Variants in AGXT2 observed in about 807,000 individuals in gnomAD.
AGXT2 encodes alanine--glyoxylate aminotransferase 2.
A neutral mutation model predicts 62.5 loss-of-function variants in AGXT2; 61 were observed. The observed-to-expected ratio is 0.98, with a 90% CI of 0.79 to 1.21. The LOEUF (loss-of-function observed/expected upper bound fraction) is 1.21. Among genes scored for constraint, AGXT2 ranks in the 50% most tolerant of loss-of-function variants. The pLI, the probability that AGXT2 is intolerant of heterozygous loss-of-function variation, is 0.00. For missense variants in AGXT2, 666 were observed against 641.5 expected, an observed-to-expected ratio of 1.04 and a Z score of -0.41; for synonymous variants, 243 against 218.7, an observed-to-expected ratio of 1.11 and a Z score of -0.98.
intron 7 of AGXT2, 64 bp from the exon 8 acceptor site, chr5:35,026,574 A>T: frequency 7.2e-7 from 1 of 1,384,966 alleles, no homozygotes; most frequent in Non-Finnish European, 1.0e-6. Context: ...CCTGATATTT[A>T]GAAACATGGG....
At chr5:35,038,358 A>C (rs1767856135) in intron 3 of AGXT2, among the ~76,000 whole-genome samples, 2 of 152,248 alleles carry the variant, frequency 1.3e-5, no homozygotes, top group African/African-American at 4.8e-5. Context: ...TACTGGGAAG[A>C]TTCAGTGAGA....
At chr5:35,029,657 G>A (rs1351794833) in intron 7 of AGXT2, among the ~76,000 whole-genome samples, 1 of 152,184 alleles carries the variant, frequency 6.6e-6, no homozygotes, top group Non-Finnish European at 1.5e-5. Flanking sequence ...GCTGAGTGAG[G>A]AGCCAAGAAA....
At chr5:35,011,407 C>G (rs1366699854) in intron 11 of AGXT2, among the ~76,000 whole-genome samples, 1 of 149,412 alleles carries the variant, frequency 6.7e-6, no homozygotes, top group Non-Finnish European at 1.5e-5. Flanking sequence ...TTGCAGTGAG[C>G]CAAAGTTGTG....
intron 11 of AGXT2, 107 bp from the exon 12 acceptor site, chr5:35,010,256 G>C: frequency 7.2e-7 from 1 of 1,386,998 alleles, no homozygotes; most frequent in Non-Finnish European, 1.0e-6. Context: ...TAACCAAACA[G>C]AATGCAGAAC....
intron 13 of AGXT2, among the ~76,000 whole-genome samples, chr5:35,000,476 G>T (rs1400491048): frequency 2.0e-5 from 3 of 152,116 alleles, no homozygotes; most frequent in African/African-American, 7.2e-5. Flanking sequence ...CGCCTCCCAG[G>T]TTCACACAAT....
rs768124933 is a variant in AGXT2, at chr5:35,032,801, C to T, written c.700G>A (p.Gly234Ser). The change falls in exon 7 of 14, where the codon GGC (glycine) becomes AGC (serine). Residue 234 changes from glycine (G) to serine (S), a missense_variant. Physicochemically the swap from Gly to Ser is moderately conservative, Grantham distance 56 (BLOSUM62 0). Transcript: ENST00000231420. Reference protein sequence around the residue: ...QPTMCPDVFRGPWGGSHCRDS... With the variant: ...QPTMCPDVFRSPWGGSHCRDS... ...CGACAGTGGCTTCCTCCCCAAGGGC[C>T]ACGAAAAACATCTGGACACATTGTC... The T allele has an allele frequency of 6.2e-7, 1 of 1,607,054 alleles. No homozygotes were observed. Among genetic ancestry groups the T allele is most frequent in the South Asian group, 1.1e-5 (1 of 89,446 alleles).
At chr5:35,031,508 T>C (rs1183009285) in intron 7 of AGXT2, among the ~76,000 whole-genome samples, 1 of 152,236 alleles carries the variant, frequency 6.6e-6, no homozygotes, top group Non-Finnish European at 1.5e-5. Context: ...GGCTGAAGCA[T>C]TTAGTTATTT....
chr5:35,011,458 T>TAAAAA (rs11358241), intron 11 of AGXT2, among the ~76,000 whole-genome samples: 1 of 119,824 alleles, frequency 8.3e-6, no homozygotes, highest in Non-Finnish European at 1.7e-5. Context: ...AGACTCTTTC[T>TAAAAA]AAAAAAAAAA....
At chr5:35,046,762 T>C (rs1768224293) in intron 1 of AGXT2, among the ~76,000 whole-genome samples, 1 of 152,126 alleles carries the variant, frequency 6.6e-6, no homozygotes, top group South Asian at 2.1e-4. Context: ...TTGGTCACAA[T>C]GGGGAATGTA....
intron 13 of AGXT2, among the ~76,000 whole-genome samples, chr5:34,999,813 C>T (rs529796853): frequency 6.6e-6 from 1 of 152,282 alleles, no homozygotes; most frequent in East Asian, 1.9e-4. Flanking sequence ...CCTAAAGGCT[C>T]AGAGAACAAG....
chr5:35,000,344 C>G (rs1011018557), intron 13 of AGXT2, among the ~76,000 whole-genome samples: 4 of 152,074 alleles, frequency 2.6e-5, no homozygotes, highest in Non-Finnish European at 5.9e-5. Context: ...ACCTGGGCAG[C>G]TTTTTCCTTC....
At chr5:35,038,288 T>C (rs1435808560) in intron 3 of AGXT2, among the ~76,000 whole-genome samples, 1 of 152,204 alleles carries the variant, frequency 6.6e-6, no homozygotes, top group Admixed American at 6.5e-5. Flanking sequence ...GCAAAATATA[T>C]GAGAGTCACA....
chr5:35,031,332 C>G (rs978727910), intron 7 of AGXT2, among the ~76,000 whole-genome samples: 5 of 152,168 alleles, frequency 3.3e-5, no homozygotes, highest in Non-Finnish European at 7.4e-5. Flanking sequence ...ATCTTGTCTT[C>G]TTTCACTACT....
chr5:35,038,649 T>C (rs1299561700), intron 3 of AGXT2, among the ~76,000 whole-genome samples: 1 of 152,222 alleles, frequency 6.6e-6, no homozygotes, highest in Non-Finnish European at 1.5e-5. Context: ...CAGTTTATTT[T>C]AGACTTGCTG....
intron 11 of AGXT2, among the ~76,000 whole-genome samples, chr5:35,010,670 G>A (rs1368988908): frequency 6.6e-6 from 1 of 152,128 alleles, no homozygotes; most frequent in Non-Finnish European, 1.5e-5. Flanking sequence ...GGGTGACAGA[G>A]CGACACTTTG....
At chr5:35,002,726 C>T (rs1331778627) in intron 13 of AGXT2, among the ~76,000 whole-genome samples, 1 of 152,018 alleles carries the variant, frequency 6.6e-6, no homozygotes, top group Non-Finnish European at 1.5e-5. Flanking sequence ...GAGAAATGAA[C>T]TTCTATGATG....
At chr5:35,042,871 T>C (rs910398489) in intron 1 of AGXT2, among the ~76,000 whole-genome samples, 1 of 152,196 alleles carries the variant, frequency 6.6e-6, no homozygotes, top group African/African-American at 2.4e-5. Flanking sequence ...TGTTTTGTCT[T>C]ATTGTTTTAA....
chr5:35,025,935 A>C, intron 8 of AGXT2, 80 bp from the exon 9 acceptor site: 1 of 1,145,458 alleles, frequency 8.7e-7, no homozygotes, highest in South Asian at 1.3e-5. Context: ...GATCATCATT[A>C]TCATCATTAT....
chr5:35,032,593 A>C, intron 7 of AGXT2, 139 bp downstream of exon 7: 1 of 770,046 alleles, frequency 1.3e-6, no homozygotes, highest in East Asian at 2.7e-5. Context: ...TAACTTGGTT[A>C]CTTTCCAGTT....
Sources: allele counts gnomAD v4.1 joint callset (sites outside exome capture counted in the v4.1 genomes callset), GRCh38; gene constraint gnomAD v4.1.1; transcripts MANE v1.5; gene names NCBI Gene and HGNC (gene_info 2026-07-23, HGNC 2026-07-21).